The following INPP5F variants were observed in gnomAD, a reference collection of about 807,000 sequenced individuals.
INPP5F encodes inositol polyphosphate-5-phosphatase F.
Under a neutral mutation model 137.2 loss-of-function variants are expected in INPP5F, and 97 were observed. That is an observed-to-expected ratio of 0.71 (90% confidence interval 0.60 to 0.84). The LOEUF is 0.84. Ranked by LOEUF, INPP5F falls within the 40% of genes least tolerant of loss-of-function variation. INPP5F has a pLI of 0.00. For synonymous variants in INPP5F, 504 were observed against 476.9 expected (o/e 1.06, Z -0.74); for missense variants, 1,271 against 1,371.9 (o/e 0.93, Z 1.16).
chr10:119,795,308 C>T (rs1850326976), intron 6 of INPP5F, among the ~76,000 whole-genome samples: 1 of 152,030 alleles, frequency 6.6e-6, no homozygotes, highest in Admixed American at 6.5e-5. Context: ...GGAGACGCTC[C>T]TCACTTCCCA....
chr10:119,795,767 CT>C (rs1850353345), intron 6 of INPP5F, among the ~76,000 whole-genome samples: 3 of 152,176 alleles, frequency 2.0e-5, no homozygotes, highest in Non-Finnish European at 4.4e-5. Flanking sequence ...GATCATGCCA[CT>C]GCACTCCAGC....
At chr10:119,784,917 A>T (rs903225726) in intron 3 of INPP5F, among the ~76,000 whole-genome samples, 1 of 152,144 alleles carries the variant, frequency 6.6e-6, no homozygotes, top group African/African-American at 2.4e-5. Context: ...GTCTCTGTAA[A>T]TATTTGTCTA....
intron 1 of INPP5F, among the ~76,000 whole-genome samples, chr10:119,742,693 T>C (rs1409008436): frequency 1.3e-5 from 2 of 152,120 alleles, no homozygotes; most frequent in East Asian, 3.9e-4. Context: ...CTTATGGTGT[T>C]AGAAAGAGCC....
At chr10:119,739,069 C>T (rs1848301117) in intron 1 of INPP5F, among the ~76,000 whole-genome samples, 1 of 151,914 alleles carries the variant, frequency 6.6e-6, no homozygotes, top group Non-Finnish European at 1.5e-5. Context: ...CCTGTATTCC[C>T]AGCTACTTGG....
chr10:119,774,930 C>T (rs555415556), intron 2 of INPP5F, among the ~76,000 whole-genome samples: 1 of 152,162 alleles, frequency 6.6e-6, no homozygotes, highest in South Asian at 2.1e-4. Context: ...GAAAAATATA[C>T]AGCATATAGT....
At chr10:119,779,768 C>A (rs1163377599) in intron 2 of INPP5F, among the ~76,000 whole-genome samples, 1 of 152,126 alleles carries the variant, frequency 6.6e-6, no homozygotes, top group Non-Finnish European at 1.5e-5. Context: ...CTTACTGTAA[C>A]TTTTCTACTT....
At chr10:119,731,408 A>G (rs1848061578) in intron 1 of INPP5F, among the ~76,000 whole-genome samples, 2 of 152,150 alleles carry the variant, frequency 1.3e-5, no homozygotes, top group Admixed American at 1.3e-4. Flanking sequence ...TCGCGCCTGT[A>G]ATCCCAGCAC....
At chr10:119,785,286 G>GGTTTT (rs1554889601) in intron 3 of INPP5F, among the ~76,000 whole-genome samples, 1 of 106,228 alleles carries the variant, frequency 9.4e-6, no homozygotes, top group Non-Finnish European at 1.9e-5. Flanking sequence ...CTGCCAGACT[G>GGTTTT]TTTTTTTTTT....
intron 1 of INPP5F, among the ~76,000 whole-genome samples, chr10:119,738,648 TACAC>T (rs57713774): frequency 0.019 from 2,781 of 150,068 alleles, 31 homozygotes; most frequent in Non-Finnish European, 0.027. Context: ...AGATTTTAAA[TACAC>T]ACACACACAC....
intron 15 of INPP5F, chr10:119,816,445 C>G (rs1391088624): frequency 6.6e-6 from 1 of 152,182 alleles, no homozygotes; most frequent in East Asian, 1.9e-4. Flanking sequence ...TTTGTACAGG[C>G]ATGTCTTTGT....
chr10:119,781,746 T>C lies in INPP5F; in HGVS notation c.290T>C (p.Met97Thr). 2 of 1,608,560 alleles carry C rather than the reference T, an allele frequency of 1.2e-6. No individual in the cohort carries two copies. The highest frequency in any genetic ancestry group is 1.7e-6 in the Non-Finnish European group (2 of 1,175,890). ...TKIAVLSLSE[M>T]EPQDLELELC... ...ATTGCTGTGCTCTCACTTTCTGAAA[T>C]GGAACCTCAGGATCTTGAGCTAGAG... Residue 97 changes from methionine to threonine, a missense_variant, in exon 3 of 20, where the codon ATG (methionine) becomes ACG (threonine). By Grantham distance (81) the Met-to-Thr change is moderately conservative (BLOSUM62 -1). Coordinates refer to ENST00000650623, the MANE Select transcript of INPP5F (RefSeq NM_014937.4).
intron 3 of INPP5F, among the ~76,000 whole-genome samples, chr10:119,782,211 A>G (rs1849732056): frequency 6.6e-6 from 1 of 152,238 alleles, no homozygotes; most frequent in East Asian, 1.9e-4. Context: ...TTACAAAGAA[A>G]GTTTTTTAAA....
chr10:119,753,131 T>C (rs1192291252), intron 2 of INPP5F, among the ~76,000 whole-genome samples: 1 of 152,232 alleles, frequency 6.6e-6, no homozygotes, highest in East Asian at 1.9e-4. Context: ...TACATATATT[T>C]TTAATTCATT....
intron 2 of INPP5F, among the ~76,000 whole-genome samples, chr10:119,760,529 AT>A (rs1402260910): frequency 6.6e-6 from 1 of 152,206 alleles, no homozygotes; most frequent in Non-Finnish European, 1.5e-5. Context: ...TGCTTTCTGT[AT>A]TTATTTCCTC....
rs372603484 is a variant in INPP5F, at chr10:119,807,953, C to T, written c.1462C>T (p.Pro488Ser). ...TTAGCTGAAAAAATTAGGTGTGATG[C>T]CCCCGGAACAGCCATTACCTGTGAA... ...EQQLKKLGVM[P>S]PEQPLPVKCN... The change falls in exon 13 of 20, where the codon CCC becomes TCC. Residue 488 changes from proline (P) to serine (S), a missense_variant. This residue lies in a region of INPP5F where 593 missense variants were observed against 712.4 expected (regional missense o/e 0.83). Transcript: ENST00000650623. 3.8e-5 allele frequency: 62 copies of T among 1,610,820 alleles called. No homozygotes were observed. Among genetic ancestry groups the T allele is most frequent in the Middle Eastern group, 1.7e-4 (1 of 6,052 alleles).
In INPP5F at chr10:119,828,159, T is replaced by C. The variant is rs1270917391; in HGVS notation, c.*379T>C. The C allele has an allele frequency of 5.9e-6, 1 of 168,544 alleles. No homozygotes were observed. The highest frequency in any genetic ancestry group is 1.3e-5 in the Non-Finnish European group (1 of 78,024). 10.4% of individuals were successfully genotyped at this position (168,544 alleles called of 1,614,324 possible). On this transcript the variant is annotated 3_prime_UTR_variant, in exon 20 of 20. Coordinates refer to ENST00000650623, the MANE Select transcript of INPP5F (RefSeq NM_014937.4). ...AGCGTTTTTCATAATTTGTTCTGTTTGTCAGTTCATTCCTGTGTGTTCTTA... is the reference window on the plus strand; with the variant it reads ...AGCGTTTTTCATAATTTGTTCTGTTCGTCAGTTCATTCCTGTGTGTTCTTA...
chr10:119,823,349 A>G (rs1043959144), intron 18 of INPP5F, 150 bp downstream of exon 18: 1 of 696,164 alleles, frequency 1.4e-6, no homozygotes, highest in Non-Finnish European at 2.3e-6. Context: ...TGAAATAGCA[A>G]CTCTGTTTCC....
At position 119,827,459 on chromosome 10, in the gene INPP5F, G is replaced by T. The variant is rs774294752; in HGVS notation, c.3078G>T (p.Leu1026Phe). Residue 1026 changes from leucine to phenylalanine, a missense_variant, in exon 20 of 20, where the codon TTG (leucine) becomes TTT (phenylalanine). Coordinates refer to ENST00000650623, the MANE Select transcript of INPP5F (RefSeq NM_014937.4). ...VSLSATGPQF[L>F]SVEPAHSVAS... Reference sequence around the variant, plus strand: ...TTTCTGCAACAGGCCCACAGTTTTTGTCAGTTGAGCCAGCGCATTCAGTTG... The same window carrying T: ...TTTCTGCAACAGGCCCACAGTTTTTTTCAGTTGAGCCAGCGCATTCAGTTG... The T allele has an allele frequency of 1.2e-6, 2 of 1,614,190 alleles. No homozygotes were observed. Among genetic ancestry groups the T allele is most frequent in the Non-Finnish European group, 1.7e-6 (2 of 1,180,042 alleles).
At chr10:119,801,075 C>T (rs1055368136) in intron 9 of INPP5F, among the ~76,000 whole-genome samples, 1 of 151,578 alleles carries the variant, frequency 6.6e-6, no homozygotes, top group Non-Finnish European at 1.5e-5. Flanking sequence ...GAGGCATGTA[C>T]AAGAACACTC....
Sources: allele counts gnomAD v4.1 joint callset (sites outside exome capture counted in the v4.1 genomes callset), GRCh38; gene constraint gnomAD v4.1.1; regional missense constraint gnomAD v4.1.1; transcripts MANE v1.5; gene names NCBI Gene and HGNC (gene_info 2026-07-23, HGNC 2026-07-21).